The following SPIDR variants were observed in gnomAD, a reference collection of about 807,000 sequenced individuals.
SPIDR encodes the protein scaffold protein involved in DNA repair, also known as DNA repair-scaffolding protein.
SPIDR carries 93 observed loss-of-function variants against 104.6 expected under a neutral mutation model. The ratio of observed to expected loss-of-function variants is 0.89; its 90% CI spans 0.75 to 1.06. The LOEUF is 1.06. Ranked by LOEUF, SPIDR falls within the 50% of genes least tolerant of loss-of-function variation. The pLI is 0.00. For missense variants in SPIDR, 1,154 were observed against 1,111.2 expected (o/e 1.04, Z -0.55); for synonymous variants, 431 against 416.9 (o/e 1.03, Z -0.41).
chr8:47,432,603 CAT>C (rs1319578554), intron 7 of SPIDR, among the ~76,000 whole-genome samples: 8 of 152,136 alleles, frequency 5.3e-5, no homozygotes, highest in Non-Finnish European at 1.5e-5. Flanking sequence ...ACAGTGATAA[CAT>C]AAAGAGAAAT....
intron 8 of SPIDR, among the ~76,000 whole-genome samples, chr8:47,545,091 CTTTCTT>C (rs2089029930): frequency 7.7e-6 from 1 of 129,478 alleles, no homozygotes; most frequent in African/African-American, 2.9e-5. Flanking sequence ...TTCTTTCTTT[CTTTCTT>C]TCTTTCTTTC....
At chr8:47,572,850 G>A (rs1164496568) in intron 8 of SPIDR, among the ~76,000 whole-genome samples, 2 of 152,110 alleles carry the variant, frequency 1.3e-5, no homozygotes, top group African/African-American at 2.4e-5. Context: ...CATTGACACA[G>A]CATCTCTCAT....
At chr8:47,601,746 G>C (rs1237248730) in intron 10 of SPIDR, among the ~76,000 whole-genome samples, 3 of 152,200 alleles carry the variant, frequency 2.0e-5, no homozygotes, top group Admixed American at 6.5e-5. Context: ...GATTAAGGCT[G>C]ACCCAGGGTC....
intron 11 of SPIDR, among the ~76,000 whole-genome samples, chr8:47,693,871 G>C (rs576009194): frequency 1.1e-4 from 17 of 152,348 alleles, no homozygotes; most frequent in African/African-American, 3.8e-4. Context: ...CTTTGGCACT[G>C]ATGTGACATT....
chr8:47,573,303 A>C (rs2058731706), intron 8 of SPIDR, among the ~76,000 whole-genome samples: 1 of 152,180 alleles, frequency 6.6e-6, no homozygotes, highest in African/African-American at 2.4e-5. Context: ...AGTGTTACCA[A>C]ACTTGGAGGA....
At chr8:47,360,537 G>A (rs975362182) in intron 5 of SPIDR, among the ~76,000 whole-genome samples, 3 of 152,156 alleles carry the variant, frequency 2.0e-5, no homozygotes, top group African/African-American at 4.8e-5. Flanking sequence ...GTGAAAACCC[G>A]TAGGCTTAGA....
chr8:47,658,061 A>AG (rs2073242238), intron 10 of SPIDR, among the ~76,000 whole-genome samples: 1 of 149,680 alleles, frequency 6.7e-6, no homozygotes, highest in South Asian at 2.1e-4. Context: ...AAAAAGAAAA[A>AG]GAAAAAAAAA....
intron 11 of SPIDR, among the ~76,000 whole-genome samples, chr8:47,676,924 G>A (rs888521552): frequency 7.2e-5 from 11 of 152,218 alleles, no homozygotes; most frequent in African/African-American, 2.7e-4. Context: ...CAGAAAAACA[G>A]CATCATAGCT....
intron 7 of SPIDR, among the ~76,000 whole-genome samples, chr8:47,433,529 G>A (rs1225110369): frequency 6.6e-6 from 1 of 152,192 alleles, no homozygotes; most frequent in Non-Finnish European, 1.5e-5. Flanking sequence ...CTAAAAAGCT[G>A]TAGTGAACTT....
intron 16 of SPIDR, among the ~76,000 whole-genome samples, chr8:47,719,684 C>T (rs760718064): frequency 2.0e-5 from 3 of 152,042 alleles, no homozygotes; most frequent in Non-Finnish European, 2.9e-5. Flanking sequence ...GGGGTTCCTA[C>T]TCCTGGGAAA....
At position 47,298,681 on chromosome 8, in the gene SPIDR, G is replaced by T. The variant is rs1399268877; in HGVS notation, c.525+4651G>T. ...TCAGCTTTCTACATATGGCTAGCCA[G>T]TTTTCCCAGCACCATTTGTAAAATA... On this transcript the variant is annotated intron_variant, in intron 5 of 19. Coordinates refer to ENST00000297423, the MANE Select transcript of SPIDR (RefSeq NM_001080394.4). 4.6e-5 allele frequency among the ~76,000 whole-genome samples: 7 copies of T among 152,198 alleles called. No homozygotes were observed. The South Asian group carries it at 6.2e-4, about 13-fold the overall frequency.
intron 8 of SPIDR, among the ~76,000 whole-genome samples, chr8:47,540,762 T>G (rs1382936393): frequency 6.6e-6 from 1 of 152,202 alleles, no homozygotes; most frequent in Non-Finnish European, 1.5e-5. Context: ...TTTATGAAAC[T>G]TTGTGACTGG....
At chr8:47,321,628 T>C (rs1035743952) in intron 5 of SPIDR, among the ~76,000 whole-genome samples, 43 of 152,218 alleles carry the variant, frequency 2.8e-4, no homozygotes, top group Non-Finnish European at 5.4e-4. Flanking sequence ...AAAGAGCCGG[T>C]ATTGCCAAGT....
At chr8:47,575,528 TC>T (rs2058983955) in intron 8 of SPIDR, among the ~76,000 whole-genome samples, 1 of 149,018 alleles carries the variant, frequency 6.7e-6, no homozygotes, top group Non-Finnish European at 1.5e-5. Flanking sequence ...GCGCCTGTAG[TC>T]CCAGCTACTC....
chr8:47,632,195 C>CTG (rs1461472517), intron 10 of SPIDR, among the ~76,000 whole-genome samples: 1 of 152,164 alleles, frequency 6.6e-6, no homozygotes, highest in Admixed American at 6.5e-5. Flanking sequence ...ATGTGCTGTA[C>CTG]TGTGGTTCAC....
chr8:47,436,591 T>TGGTG (rs1262096380), intron 7 of SPIDR, among the ~76,000 whole-genome samples: 1 of 152,136 alleles, frequency 6.6e-6, no homozygotes, highest in African/African-American at 2.4e-5. Flanking sequence ...GATGTTATGG[T>TGGTG]GGTGCGAGCC....
At chr8:47,717,491 C>G (rs2082740384) in intron 16 of SPIDR, among the ~76,000 whole-genome samples, 1 of 152,222 alleles carries the variant, frequency 6.6e-6, no homozygotes, top group African/African-American at 2.4e-5. Context: ...GAGGGTTTCC[C>G]TAACCCATTC....
At chr8:47,644,129 A>G (rs1171583852) in intron 10 of SPIDR, among the ~76,000 whole-genome samples, 1 of 152,116 alleles carries the variant, frequency 6.6e-6, no homozygotes, top group African/African-American at 2.4e-5. Flanking sequence ...GGTCGTTAGC[A>G]GTCACTCCAC....
At chr8:47,418,798 T>C (rs576907143) in intron 7 of SPIDR, among the ~76,000 whole-genome samples, 3 of 152,358 alleles carry the variant, frequency 2.0e-5, no homozygotes, top group East Asian at 1.9e-4. Flanking sequence ...GTCCCATCAA[T>C]ACCTAATTTG....
Sources: allele counts gnomAD v4.1 joint callset (sites outside exome capture counted in the v4.1 genomes callset), GRCh38; gene constraint gnomAD v4.1.1; transcripts MANE v1.5; gene names NCBI Gene and HGNC (gene_info 2026-07-23, HGNC 2026-07-21).